The following OPCML variants were observed in gnomAD, a reference collection of about 807,000 sequenced individuals.
The protein encoded by OPCML is opioid binding protein/cell adhesion molecule like.
Under a neutral mutation model 37.8 loss-of-function variants are expected in OPCML, and 13 were observed. The ratio of observed to expected loss-of-function variants is 0.34; its 90% CI spans 0.22 to 0.55. The LOEUF is 0.55. Among genes scored for constraint, OPCML ranks in the 20% least tolerant of loss-of-function variants. The pLI, the probability that OPCML is intolerant of heterozygous loss-of-function variation, is 0.91. For missense variants in OPCML, 341 were observed against 435.6 expected, an observed-to-expected ratio of 0.78 and a Z score of 1.93; for synonymous variants, 176 against 168.8, an observed-to-expected ratio of 1.04 and a Z score of -0.33.
At chr11:133,329,533 A>G (rs1943567442) in intron 1 of OPCML, among the ~76,000 whole-genome samples, 1 of 152,234 alleles carries the variant, frequency 6.6e-6, no homozygotes, top group South Asian at 2.1e-4. Flanking sequence ...AATGCCGCAT[A>G]TCTACAACCA....
intron 3 of OPCML, among the ~76,000 whole-genome samples, chr11:132,631,800 G>A (rs1314780013): frequency 6.6e-6 from 1 of 152,048 alleles, no homozygotes; most frequent in African/African-American, 2.4e-5. Context: ...TTAGGAAATA[G>A]ATTTAAAAGC....
chr11:132,761,024 C>T lies in OPCML; in HGVS notation c.147-103705G>A, dbSNP rs546005570. On this transcript the variant is annotated intron_variant, in intron 2 of 7. Coordinates refer to ENST00000524381, the MANE Select transcript of OPCML (RefSeq NM_001012393.5). ...GACAAAATCCCTAGCATTTGCTTGT[C>T]TGTAAAGGATTTTATTTGTCCTTTG... is the stretch of plus-strand genomic sequence containing the variant. Among the ~76,000 whole-genome samples the T allele has an allele frequency of 7.9e-5, 12 of 152,168 alleles. No individual in the cohort carries two copies. In the South Asian group the frequency reaches 2.3e-3, roughly 29 times the overall value.
intron 1 of OPCML, among the ~76,000 whole-genome samples, chr11:133,411,921 C>T (rs73604536): frequency 0.014 from 2,104 of 152,234 alleles, 48 homozygotes; most frequent in African/African-American, 0.048. Context: ...TCCCCCCACA[C>T]GTTGACAATC....
chr11:132,806,857 T>G (rs1008184173), intron 2 of OPCML, among the ~76,000 whole-genome samples: 1 of 152,166 alleles, frequency 6.6e-6, no homozygotes, highest in Non-Finnish European at 1.5e-5. Flanking sequence ...ATCCTTGGCC[T>G]TAGAACAAGT....
chr11:133,228,083 G>A (rs943267240), intron 1 of OPCML, among the ~76,000 whole-genome samples: 3 of 152,184 alleles, frequency 2.0e-5, no homozygotes, highest in African/African-American at 7.2e-5. Flanking sequence ...CCTTGGGATG[G>A]GAGATGTCCC....
intron 1 of OPCML, among the ~76,000 whole-genome samples, chr11:133,492,275 G>A (rs935093427): frequency 6.6e-6 from 1 of 152,232 alleles, no homozygotes; most frequent in Non-Finnish European, 1.5e-5. Context: ...TTCTCTGGGA[G>A]AGGATCCATT....
At chr11:132,526,530 T>G (rs1036098703) in intron 4 of OPCML, among the ~76,000 whole-genome samples, 2 of 152,146 alleles carry the variant, frequency 1.3e-5, no homozygotes, top group African/African-American at 4.8e-5. Flanking sequence ...ATTAGGCTAA[T>G]TTATTAGCAT....
chr11:133,331,893 T>C (rs1177694651), intron 1 of OPCML, among the ~76,000 whole-genome samples: 1 of 152,166 alleles, frequency 6.6e-6, no homozygotes, highest in African/African-American at 2.4e-5. Flanking sequence ...TCTTTTTGCT[T>C]AGGATTGCCT....
intron 1 of OPCML, among the ~76,000 whole-genome samples, chr11:133,098,861 G>C (rs1462138241): frequency 2.0e-5 from 3 of 152,018 alleles, no homozygotes; most frequent in Non-Finnish European, 4.4e-5. Context: ...CATATAGATG[G>C]GGAAGGAAGA....
chr11:132,962,984 G>T (rs1041563471), intron 1 of OPCML, among the ~76,000 whole-genome samples: 1 of 152,110 alleles, frequency 6.6e-6, no homozygotes, highest in South Asian at 2.1e-4. Flanking sequence ...TGCTTGACAC[G>T]CATAGAGGAA....
At chr11:132,574,148 T>G (rs2137584046) in intron 3 of OPCML, among the ~76,000 whole-genome samples, 1 of 149,012 alleles carries the variant, frequency 6.7e-6, no homozygotes, top group Non-Finnish European at 1.5e-5. Flanking sequence ...AAGAATTTGT[T>G]AATTTTGGTT....
At chr11:133,380,558 T>C (rs1375945009) in intron 1 of OPCML, among the ~76,000 whole-genome samples, 4 of 152,252 alleles carry the variant, frequency 2.6e-5, no homozygotes, top group Non-Finnish European at 5.9e-5. Context: ...TTTTGGTAAC[T>C]ACATATTGCA....
intron 1 of OPCML, among the ~76,000 whole-genome samples, chr11:133,339,144 G>A (rs1165313340): frequency 1.3e-5 from 2 of 152,134 alleles, no homozygotes; most frequent in African/African-American, 2.4e-5. Context: ...TCTGTGATGT[G>A]CTTCCACTCT....
chr11:132,518,275 G>T (rs984836813), intron 4 of OPCML, among the ~76,000 whole-genome samples: 1 of 151,986 alleles, frequency 6.6e-6, no homozygotes, highest in African/African-American at 2.4e-5. Context: ...CCTTCACTGT[G>T]CCCATGTATT....
intron 1 of OPCML, among the ~76,000 whole-genome samples, chr11:133,352,201 C>A (rs1158902137): frequency 3.3e-5 from 5 of 152,218 alleles, no homozygotes; most frequent in African/African-American, 1.2e-4. Flanking sequence ...AGGCTTCTTA[C>A]CATGCCTACA....
rs570076748 is a variant in OPCML, at chr11:133,477,647, G to C, written c.61+54617C>G. On this transcript the variant is annotated intron_variant, in intron 1 of 7. Transcript: ENST00000524381. ...GTAAAGAAATCTAAGCTGGGACCTG[G>C]GATGTCCTTGGCAGGAAGCACAAAC... 7.2e-5 allele frequency among the ~76,000 whole-genome samples: 11 copies of C among 152,292 alleles called. No homozygotes were observed. In the South Asian group the frequency reaches 2.1e-3, roughly 29 times the overall value.
chr11:132,875,692 G>A (rs904467494), intron 2 of OPCML, among the ~76,000 whole-genome samples: 10 of 152,024 alleles, frequency 6.6e-5, no homozygotes, highest in Non-Finnish European at 1.0e-4. Context: ...TCGAACTCAC[G>A]ACCTCAGGGG....
At chr11:132,809,808 T>A (rs1939223962) in intron 2 of OPCML, among the ~76,000 whole-genome samples, 1 of 151,658 alleles carries the variant, frequency 6.6e-6, no homozygotes, top group Non-Finnish European at 1.5e-5. Context: ...GTGCTGCAGG[T>A]TTCTCTCCCT....
At chr11:132,727,305 C>T (rs1188131755) in intron 2 of OPCML, among the ~76,000 whole-genome samples, 2 of 152,176 alleles carry the variant, frequency 1.3e-5, no homozygotes, top group African/African-American at 4.8e-5. Context: ...GGTGATCTGA[C>T]GTTTCACCTG....
Sources: gnomAD v4.1 joint callset for allele counts (sites outside exome capture counted in the v4.1 genomes callset) on GRCh38, gnomAD v4.1.1 for gene constraint, MANE v1.5 for transcripts, NCBI Gene and HGNC (gene_info 2026-07-23, HGNC 2026-07-21) for gene names.